Variants in SPTAN1 observed in about 807,000 individuals in gnomAD.
SPTAN1 encodes spectrin alpha, non-erythrocytic 1.
In SPTAN1, 61 loss-of-function variants were observed where a neutral mutation model predicts 331.3. The ratio of observed to expected loss-of-function variants is 0.18; its 90% CI spans 0.15 to 0.23. The LOEUF is 0.23. Ranked by LOEUF, SPTAN1 falls within the 10% of genes least tolerant of loss-of-function variation. The pLI, the probability that SPTAN1 is intolerant of heterozygous loss-of-function variation, is 1.00. For missense variants in SPTAN1, 2,043 were observed against 3,147.9 expected, an observed-to-expected ratio of 0.65 and a Z score of 8.40; for synonymous variants, 1,153 against 1,173.9, an observed-to-expected ratio of 0.98 and a Z score of 0.36.
rs765393647 is a variant in SPTAN1, at chr9:128,632,943, G to A, written c.7296G>A (p.Glu2432=). The A allele has an allele frequency of 1.7e-5, 27 of 1,612,654 alleles. No homozygotes were observed. In the African/African-American group the frequency reaches 3.2e-4, roughly 19 times the overall value. ...AGGGAAAGCCTTACGTGACCAAGGA[G>A]GAGCTCTACCAGGTATGGGCCTCAG... ...SSEGKPYVTK[E]ELYQNLTREQ... Residue 2432 remains glutamate, a synonymous_variant, in exon 56 of 57, where the codon GAG becomes GAA. Coordinates refer to ENST00000372739, the MANE Select transcript of SPTAN1 (RefSeq NM_001130438.3).
At position 128,577,958 on chromosome 9, in the gene SPTAN1, A is replaced by G. The variant is rs1851495342; in HGVS notation, c.1086-152A>G. 9 of 984,672 alleles carry G rather than the reference A, an allele frequency of 9.1e-6. No individual in the cohort carries two copies. The highest frequency in any genetic ancestry group is 1.2e-5 in the Non-Finnish European group (8 of 644,268). The allele number at this position is 984,672 out of a possible 1,614,324, so 61.0% of individuals were successfully genotyped here. Reference sequence around the variant, plus strand: ...TCAGCCTTCTCTTGCTTTCCTTCACAGTCTAGATTGGGAAATTTTCATATT... The same window carrying G: ...TCAGCCTTCTCTTGCTTTCCTTCACGGTCTAGATTGGGAAATTTTCATATT... On this transcript the variant is annotated intron_variant, in intron 8 of 56. Transcript: ENST00000372739. This position sits in a 1 kb window ranked among gnomAD's most constrained non-coding sequence, Gnocchi z 4.2.
In SPTAN1 at chr9:128,626,118, A is replaced by G. The variant is rs1012781165; in HGVS notation, c.6279+140A>G. 3 of 1,119,370 alleles carry G rather than the reference A, an allele frequency of 2.7e-6. No individual in the cohort carries two copies. In the Admixed American group the frequency reaches 7.0e-5, roughly 26 times the overall value. 69.3% of individuals were successfully genotyped at this position (1,119,370 alleles called of 1,614,324 possible). A position where few individuals can be genotyped will look rare whatever the true frequency, so the allele number is the denominator to read the frequency against. The stretch of plus-strand genomic sequence containing the variant: ...GCTTTCAAACATGGGTGTGGCTGGC[A>G]TCAATTAAAACCAGGGCAAATGAGA... On this transcript the variant is annotated intron_variant, in intron 48 of 56. Transcript: ENST00000372739.
rs1279804713 is a variant in SPTAN1 at position 128,570,598 on chromosome 9, G to A, written c.363+1701G>A. ...GGTGATCCACCTGCCTCAGCCTCCC[G>A]AAGTGCTGGGATTACAGGCTTGAGC... On this transcript the variant is annotated intron_variant, in intron 3 of 56. Coordinates refer to ENST00000372739, the MANE Select transcript of SPTAN1 (RefSeq NM_001130438.3). Among the ~76,000 whole-genome samples, 4 of 151,418 alleles carry A rather than the reference G, an allele frequency of 2.6e-5. No individual in the cohort carries two copies. In the South Asian group the frequency reaches 6.3e-4, roughly 24 times the overall value.
At position 128,578,158 on chromosome 9, in the gene SPTAN1, T is replaced by A. The variant is rs763256328; in HGVS notation, c.1134T>A (p.Thr378=). ...TCCGTGACCTCACCAGCTGGGTGAC[T>A]GAGATGAAAGCCCTCATCAATGCAG... ...ADFRDLTSWV[T]EMKALINADE... Residue 378 remains threonine (T), a synonymous_variant, in exon 9 of 57, where the codon ACT becomes ACA. Coordinates refer to ENST00000372739, the MANE Select transcript of SPTAN1 (RefSeq NM_001130438.3). 3.7e-6 allele frequency: 6 copies of A among 1,614,046 alleles called. No individual in the cohort carries two copies. The highest frequency in any genetic ancestry group is 5.1e-6 in the Non-Finnish European group (6 of 1,180,040).
Position 128,612,136 on chromosome 9 carries a change from T to A in SPTAN1, c.4933T>A (p.Trp1645Arg). ...CCGCCTGGCTGCCTTAGCTGACCAG[T>A]GGCAGTTCTTGGTGCAAAAGTCAGC... ...KARLAALADQ[W>R]QFLVQKSAEK... The change falls in exon 39 of 57, where the codon TGG becomes AGG. Residue 1645 changes from tryptophan (W) to arginine (R), a missense_variant. Around this residue, in one of 12 missense-constraint regions of SPTAN1, gnomAD observed 323 missense variants for 581.1 expected, o/e 0.56. Transcript: ENST00000372739. The A allele has an allele frequency of 6.2e-7, 1 of 1,614,172 alleles. No individual in the cohort carries two copies. The highest frequency in any genetic ancestry group is 8.5e-7 in the Non-Finnish European group (1 of 1,180,044).
rs367635991 is a variant in SPTAN1 at position 128,607,902 on chromosome 9, G to A, written c.4197G>A (p.Glu1399=). The A allele has an allele frequency of 6.2e-7, 1 of 1,614,072 alleles. No homozygotes were observed. The highest frequency in any genetic ancestry group is 8.5e-7 in the Non-Finnish European group (1 of 1,180,018). ...GGGCTGGCACTTTCCAGGCATTTGA[G>A]CAGTTTGGACAGCAGCTGTTGGCTC... ...DARAGTFQAF[E]QFGQQLLAHG... is the part of the protein sequence containing the mutation. The change falls in exon 33 of 57, where the codon GAG becomes GAA. Residue 1399 remains glutamate (E), a synonymous_variant. Coordinates refer to ENST00000372739, the MANE Select transcript of SPTAN1 (RefSeq NM_001130438.3).
chr9:128,621,214 C>T lies in SPTAN1; in HGVS notation c.5790C>T (p.Arg1930=), dbSNP rs144435438. 1.1e-4 allele frequency: 183 copies of T among 1,614,048 alleles called. 1 individual carries two copies. In the African/African-American group the frequency reaches 1.8e-3, roughly 16 times the overall value. The change falls in exon 45 of 57, where the codon CGC becomes CGT. Residue 1930 remains arginine, a synonymous_variant. Transcript: ENST00000372739. ...FETDFTVHKD[R]VNDVCTNGQD... is the part of the protein sequence containing the mutation. ...CAGACTTCACCGTCCACAAGGATCG[C>T]GTGAATGATGTCTGCACCAATGGAC...
Position 128,625,825 on chromosome 9 carries a change from T to G in SPTAN1, c.6126T>G (p.Thr2042=). ...AFQQEGIANI[T]ALKDQLLAAK... ...AGCAGGAAGGCATTGCCAACATCAC[T>G]GCCCTCAAAGATCAGCTTCTCGCCG... The change falls in exon 48 of 57, where the codon ACT becomes ACG. Residue 2042 remains threonine (T), a synonymous_variant. Transcript: ENST00000372739. This position sits in a 1 kb window ranked among gnomAD's most constrained non-coding sequence, Gnocchi z 4.1. The G allele has an allele frequency of 6.2e-7, 1 of 1,614,192 alleles. No homozygotes were observed. The highest frequency in any genetic ancestry group is 1.1e-5 in the South Asian group (1 of 91,088).
In SPTAN1 at chr9:128,632,174, C is replaced by A; in HGVS notation, c.6810C>A (p.Ile2270=). The A allele has an allele frequency of 6.2e-7, 1 of 1,613,462 alleles. No individual in the cohort carries two copies. The highest frequency in any genetic ancestry group is 8.5e-7 in the Non-Finnish European group (1 of 1,180,034). The part of the protein sequence containing the change: ...IRAMRSQLKK[I]EDLGAAMEEA... ...CCATGAGAAGTCAGCTCAAAAAGAT[C>A]GAGGACCTGGGGGCCGCCATGGAGG... Residue 2270 remains isoleucine (I), a synonymous_variant, in exon 53 of 57, where the codon ATC becomes ATA. Coordinates refer to ENST00000372739, the MANE Select transcript of SPTAN1 (RefSeq NM_001130438.3).
intron 11 of SPTAN1, among the ~76,000 whole-genome samples, chr9:128,581,525 C>G (rs1214980564): frequency 1.3e-5 from 2 of 150,414 alleles, no homozygotes; most frequent in Non-Finnish European, 3.0e-5. Context: ...TATGTAACAT[C>G]TGAATCTAAT....
intron 27 of SPTAN1, 90 bp from the exon 28 acceptor site, chr9:128,603,453 C>G (rs901703605): frequency 6.9e-6 from 10 of 1,446,436 alleles, no homozygotes; most frequent in Non-Finnish European, 9.7e-6. Context: ...TTGGGTTAAT[C>G]ACAGGGACCT....
chr9:128,560,084 C>CTTTTT (rs376433063), intron 1 of SPTAN1, among the ~76,000 whole-genome samples: 2,102 of 129,810 alleles, frequency 0.016, 90 homozygotes, highest in African/African-American at 0.057. Flanking sequence ...TCCACCTCAC[C>CTTTTT]TTTTTTTTTT....
chr9:128,628,483 AG>A (rs556685444), intron 51 of SPTAN1: 81 of 314,288 alleles, frequency 2.6e-4, no homozygotes, highest in African/African-American at 1.6e-3. Flanking sequence ...CCGCCCTAAT[AG>A]AAGGCAAAAA....
chr9:128,578,652 AACCCCATCTCT>A (rs1851581410), intron 9 of SPTAN1, among the ~76,000 whole-genome samples: 1 of 152,098 alleles, frequency 6.6e-6, no homozygotes. Context: ...AACATGGTGA[AACCCCATCTCT>A]ACTAAAAATG....
rs1255073000 is a variant in SPTAN1 at position 128,578,308 on chromosome 9, A to G, written c.1221+63A>G. Reference sequence around the variant, plus strand: ...TTAGCTTATAATGCACCAGTTTATCAGTGTTGGGTGAGGCCTATAGTCGGC... The same window carrying G: ...TTAGCTTATAATGCACCAGTTTATCGGTGTTGGGTGAGGCCTATAGTCGGC... On this transcript the variant is annotated intron_variant, in intron 9 of 56. Coordinates refer to ENST00000372739, the MANE Select transcript of SPTAN1 (RefSeq NM_001130438.3). The G allele has an allele frequency of 3.1e-6, 5 of 1,600,490 alleles. No individual in the cohort carries two copies. The African/African-American group carries it at 6.7e-5, about 21-fold the overall frequency.
chr9:128,579,713 A>G lies in SPTAN1; in HGVS notation c.1298A>G (p.Tyr433Cys). The G allele has an allele frequency of 2.5e-6, 4 of 1,614,094 alleles. No homozygotes were observed. The highest frequency in any genetic ancestry group is 1.3e-5 in the African/African-American group (1 of 75,036). The change falls in exon 10 of 57, where the codon TAT becomes TGT. Residue 433 changes from tyrosine (Y) to cysteine (C), a missense_variant. By Grantham distance (194) the Tyr-to-Cys change is radical. Transcript: ENST00000372739. ...CAGGCACTGCTTGCTGCTGGTCACTATGCCTCAGATGAAGTGAGGGAGAAG... is the reference window on the plus strand; with the variant it reads ...CAGGCACTGCTTGCTGCTGGTCACTGTGCCTCAGATGAAGTGAGGGAGAAG... ...SGQALLAAGH[Y>C]ASDEVREKLT...
chr9:128,589,375 G>A (rs1254786989), intron 21 of SPTAN1, among the ~76,000 whole-genome samples: 4 of 140,912 alleles, frequency 2.8e-5, no homozygotes, highest in Non-Finnish European at 1.5e-5. Flanking sequence ...TGCAAGCTCC[G>A]CCTCCTGCGT....
At position 128,627,505 on chromosome 9, in the gene SPTAN1, GCCCGCTGGGGC is replaced by G; in HGVS notation, c.6689+9_6689+19del. 1 of 1,549,668 alleles carries G rather than the reference GCCCGCTGGGGC, an allele frequency of 6.5e-7. No homozygotes were observed. Among genetic ancestry groups the G allele is most frequent in the Non-Finnish European group, 8.7e-7 (1 of 1,145,808 alleles). ...AGTGGATCCAAGAGACCAGGTGCCA[GCCCGCTGGGGC>G]CGGGGAGCAGCAGCATGTCCCTGCT... On this transcript the variant is annotated splice_region_variant and intron_variant, in intron 50 of 56. Coordinates refer to ENST00000372739, the MANE Select transcript of SPTAN1 (RefSeq NM_001130438.3). The surrounding 1 kb of genome is among the most constrained non-coding windows in gnomAD (Gnocchi z 4.9).
At chr9:128,570,835 A>G (rs1850632608) in intron 3 of SPTAN1, among the ~76,000 whole-genome samples, 1 of 151,922 alleles carries the variant, frequency 6.6e-6, no homozygotes, top group Non-Finnish European at 1.5e-5. Context: ...CTAATTTTGT[A>G]TTTTTAGTAG....
Sources: gnomAD v4.1 joint callset for allele counts (sites outside exome capture counted in the v4.1 genomes callset) on GRCh38, gnomAD v4.1.1 for gene constraint, gnomAD v4.1.1 regional missense constraint, Gnocchi (gnomAD v3.1) non-coding constraint, MANE v1.5 for transcripts, NCBI Gene and HGNC (gene_info 2026-07-23, HGNC 2026-07-21) for gene names.